Variants in NYAP2 observed in about 807,000 individuals in gnomAD.
NYAP2 encodes neuronal tyrosine-phosphorylated phosphoinositide-3-kinase adaptor 2.
In NYAP2, 23 loss-of-function variants were observed where a neutral mutation model predicts 50.4. The ratio of observed to expected loss-of-function variants is 0.46; its 90% CI spans 0.33 to 0.65. NYAP2 has a LOEUF of 0.65. NYAP2 is among the 30% of genes least tolerant of loss of function. NYAP2 has a pLI of 0.02. For missense variants in NYAP2, 885 were observed against 861.0 expected (o/e 1.03, Z -0.35); for synonymous variants, 394 against 365.2 (o/e 1.08, Z -0.90).
Position 225,481,350 on chromosome 2 carries a change from A to G in NYAP2, c.222-32021A>G, listed in dbSNP as rs141148585. On this transcript the variant is annotated intron_variant, in intron 3 of 6. Transcript: ENST00000636099. ...CTCTATTAGTTATTGTCAAAATCTA[A>G]TGACTGTTGTATTTGTTAGAAAATG... Among the ~76,000 whole-genome samples the G allele has an allele frequency of 2.6e-3, 402 of 152,236 alleles. 3 individuals are homozygous for G. Among genetic ancestry groups the G allele is most frequent in the African/African-American group, 9.0e-3 (374 of 41,572 alleles).
chr2:225,546,178 C>G (rs1691577740), intron 4 of NYAP2, among the ~76,000 whole-genome samples: 1 of 152,148 alleles, frequency 6.6e-6, no homozygotes, highest in Admixed American at 6.5e-5. Context: ...ATTGTAACCA[C>G]TACCTAGCTA....
At chr2:225,607,945 G>A (rs758807674) in intron 5 of NYAP2, among the ~76,000 whole-genome samples, 7 of 152,200 alleles carry the variant, frequency 4.6e-5, no homozygotes, top group African/African-American at 9.6e-5. Flanking sequence ...TTTTTAATAC[G>A]CAGAGAATTG....
At chr2:225,525,900 C>T (rs1041977834) in intron 4 of NYAP2, among the ~76,000 whole-genome samples, 6 of 152,178 alleles carry the variant, frequency 3.9e-5, no homozygotes, top group Non-Finnish European at 7.3e-5. Context: ...GGACCTGAGG[C>T]ACAGTTGCTG....
the NYAP2 span, among the ~76,000 whole-genome samples, chr2:225,680,314 G>A: frequency 2.6e-5 from 4 of 152,156 alleles, 2 homozygotes; most frequent in South Asian, 8.3e-4. Context: ...TTTCTTATAA[G>A]AGGATACCAA....
chr2:225,576,305 C>T (rs1692169331), intron 4 of NYAP2, among the ~76,000 whole-genome samples: 9 of 152,178 alleles, frequency 5.9e-5, no homozygotes, highest in Admixed American at 5.9e-4. Flanking sequence ...GACTGTAACA[C>T]AGGTCCTACA....
At chr2:225,688,809 C>A in the NYAP2 span, among the ~76,000 whole-genome samples, 2 of 152,174 alleles carry the variant, frequency 1.3e-5, no homozygotes, top group Admixed American at 6.5e-5. Context: ...GTGGCACGAT[C>A]TTGGCTCATT....
rs565785656 is a variant in NYAP2, at chr2:225,439,372, A to G, written c.221+30271A>G. Among the ~76,000 whole-genome samples the G allele has an allele frequency of 4.6e-5, 7 of 152,330 alleles. 1 individual carries two copies. The East Asian group carries it at 1.4e-3, about 29-fold the overall frequency. On this transcript the variant is annotated intron_variant, in intron 3 of 6. Transcript: ENST00000636099. ...TGAGATTAATGGACAAGGTAGTAGA[A>G]CGTGAGTAAGAGAAAAAGTCACTGA...
At chr2:225,567,751 T>C (rs1241117300) in intron 4 of NYAP2, among the ~76,000 whole-genome samples, 1 of 152,144 alleles carries the variant, frequency 6.6e-6, no homozygotes, top group Non-Finnish European at 1.5e-5. Context: ...CAGTAAAGTC[T>C]GAACATACAC....
chr2:225,644,454 C>T (rs984522355), intron 6 of NYAP2, among the ~76,000 whole-genome samples: 1 of 151,628 alleles, frequency 6.6e-6, no homozygotes, highest in South Asian at 2.1e-4. Flanking sequence ...AATGAGATCC[C>T]ATTTGTCAAT....
intron 4 of NYAP2, among the ~76,000 whole-genome samples, chr2:225,576,711 A>G (rs983001294): frequency 3.9e-5 from 6 of 152,250 alleles, no homozygotes; most frequent in African/African-American, 1.4e-4. Context: ...TTAAAAGGAT[A>G]CTTTATGCCA....
At chr2:225,494,647 C>T (rs1003262723) in intron 3 of NYAP2, among the ~76,000 whole-genome samples, 2 of 152,144 alleles carry the variant, frequency 1.3e-5, no homozygotes, top group African/African-American at 2.4e-5. Flanking sequence ...GCCTTCCATA[C>T]GCTTTTGCCA....
chr2:225,426,640 GC>G (rs1272764296), intron 3 of NYAP2, among the ~76,000 whole-genome samples: 1 of 152,178 alleles, frequency 6.6e-6, no homozygotes, highest in Non-Finnish European at 1.5e-5. Flanking sequence ...AATGCTTAAA[GC>G]CATAAATCCC....
chr2:225,653,899 G>C (rs961931077), exon 7 of NYAP2: 3 of 151,932 alleles, frequency 2.0e-5, no homozygotes, highest in African/African-American at 7.3e-5. Flanking sequence ...GGCGCCTGTA[G>C]TCCCAGCTAC....
intron 4 of NYAP2, among the ~76,000 whole-genome samples, chr2:225,527,100 A>G (rs1267064549): frequency 6.6e-6 from 1 of 152,162 alleles, no homozygotes; most frequent in Non-Finnish European, 1.5e-5. Context: ...CAGTCCAAAG[A>G]ATACCCTGCC....
At chr2:225,591,117 C>T (rs930399692) in intron 5 of NYAP2, among the ~76,000 whole-genome samples, 2 of 152,102 alleles carry the variant, frequency 1.3e-5, no homozygotes, top group African/African-American at 2.4e-5. Flanking sequence ...CAGAGCATGG[C>T]GGGCCCTCCA....
chr2:225,603,238 G>A (rs12619063), intron 5 of NYAP2, among the ~76,000 whole-genome samples: 26,534 of 151,852 alleles, frequency 0.17, 2,841 homozygotes, highest in South Asian at 0.29. Context: ...TCTTTCATTC[G>A]TTCAATAAAT....
chr2:225,558,029 C>G (rs1018003787), intron 4 of NYAP2, among the ~76,000 whole-genome samples: 1 of 152,124 alleles, frequency 6.6e-6, no homozygotes, highest in Non-Finnish European at 1.5e-5. Flanking sequence ...TTTTTCTGCT[C>G]TGCCTGTGTA....
At chr2:225,634,925 G>C (rs1161021340) in intron 6 of NYAP2, among the ~76,000 whole-genome samples, 1 of 152,180 alleles carries the variant, frequency 6.6e-6, no homozygotes, top group Non-Finnish European at 1.5e-5. Context: ...TTCAGGAATG[G>C]AACTGCAATT....
At chr2:225,588,044 T>A (rs1574695656) in intron 5 of NYAP2, among the ~76,000 whole-genome samples, 1 of 151,956 alleles carries the variant, frequency 6.6e-6, no homozygotes, top group Non-Finnish European at 1.5e-5. Flanking sequence ...CCTGCCTCAG[T>A]CTCCCGAGTA....
Sources: gnomAD v4.1 joint callset for allele counts (sites outside exome capture counted in the v4.1 genomes callset) on GRCh38, gnomAD v4.1.1 for gene constraint, MANE v1.5 for transcripts, NCBI Gene and HGNC (gene_info 2026-07-23, HGNC 2026-07-21) for gene names.